Variants in GALNTL6 observed in about 807,000 individuals in gnomAD.
GALNTL6 encodes polypeptide N-acetylgalactosaminyltransferase like 6, also known as polypeptide N-acetylgalactosaminyltransferase-like 6.
GALNTL6 carries 46 observed loss-of-function variants against 73.7 expected under a neutral mutation model. The observed-to-expected ratio is 0.62, with a 90% CI of 0.49 to 0.80. The LOEUF (loss-of-function observed/expected upper bound fraction) is 0.80, where lower values mean the gene tolerates loss of function less well. Ranked by LOEUF, GALNTL6 falls within the 30% of genes least tolerant of loss-of-function variation. The pLI, the probability that GALNTL6 is intolerant of heterozygous loss-of-function variation, is 0.00. For synonymous variants in GALNTL6, 259 were observed against 263.7 expected (o/e 0.98, Z 0.17); for missense variants, 604 against 755.0 (o/e 0.80, Z 2.34).
chr4:172,358,431 C>T (rs533239139), intron 5 of GALNTL6, among the ~76,000 whole-genome samples: 13 of 152,348 alleles, frequency 8.5e-5, no homozygotes, highest in South Asian at 4.1e-4. Context: ...GCCTGCAGGC[C>T]GCGTGCGGCC....
Position 172,304,881 on chromosome 4 carries a change from A to G in GALNTL6, c.248-6733A>G, listed in dbSNP as rs576514812. On this transcript the variant is annotated intron_variant, in intron 3 of 12. Coordinates refer to ENST00000506823, the MANE Select transcript of GALNTL6 (RefSeq NM_001034845.3). ...ATTTTAATTCTCTACTCTTCTTCCA[A>G]TGTGAGCTGAAATCTCACTTTTTCT... Among the ~76,000 whole-genome samples, 15 of 152,324 alleles carry G rather than the reference A, an allele frequency of 9.8e-5. No individual in the cohort carries two copies. In the South Asian group the frequency reaches 1.9e-3, roughly 19 times the overall value.
chr4:172,926,329 A>C (rs774857703), intron 8 of GALNTL6, among the ~76,000 whole-genome samples: 8 of 152,216 alleles, frequency 5.3e-5, no homozygotes, highest in Non-Finnish European at 1.0e-4. Context: ...TCAACATTTG[A>C]ATTTGATAGG....
chr4:171,895,429 C>G (rs1736883099), intron 2 of GALNTL6, among the ~76,000 whole-genome samples: 1 of 152,060 alleles, frequency 6.6e-6, no homozygotes, highest in African/African-American at 2.4e-5. Flanking sequence ...GAGATGGCAT[C>G]CCCAAATTTA....
intron 5 of GALNTL6, among the ~76,000 whole-genome samples, chr4:172,394,426 T>C (rs945433703): frequency 4.2e-5 from 6 of 143,512 alleles, no homozygotes; most frequent in Non-Finnish European, 8.9e-5. Context: ...TTTCTTCTTC[T>C]TCTTTTTTTT....
At chr4:172,791,327 A>G (rs1739984421) in intron 5 of GALNTL6, among the ~76,000 whole-genome samples, 1 of 152,240 alleles carries the variant, frequency 6.6e-6, no homozygotes, top group Admixed American at 6.5e-5. Context: ...GAGTTACTTA[A>G]GTAGGTTTTT....
intron 2 of GALNTL6, among the ~76,000 whole-genome samples, chr4:171,910,944 T>C (rs114220114): frequency 0.014 from 2,164 of 152,258 alleles, 46 homozygotes; most frequent in African/African-American, 0.049. Context: ...AAATTTGCAC[T>C]TGGACATTCT....
intron 2 of GALNTL6, among the ~76,000 whole-genome samples, chr4:172,171,526 C>T (rs1734825589): frequency 6.6e-6 from 1 of 152,010 alleles, no homozygotes; most frequent in Non-Finnish European, 1.5e-5. Flanking sequence ...CACCAGTCAA[C>T]TCAAAAGATG....
chr4:172,188,151 T>C (rs1374238312), intron 2 of GALNTL6, among the ~76,000 whole-genome samples: 3 of 152,204 alleles, frequency 2.0e-5, no homozygotes, highest in South Asian at 2.1e-4. Flanking sequence ...ATGCCTATTA[T>C]GTGTCAGAAA....
At chr4:173,012,603 C>G (rs1189759081) in intron 11 of GALNTL6, among the ~76,000 whole-genome samples, 1 of 152,180 alleles carries the variant, frequency 6.6e-6, no homozygotes, top group Non-Finnish European at 1.5e-5. Flanking sequence ...TCTTTCTAGG[C>G]CATAGTTCTT....
At chr4:172,681,465 T>C (rs1732630115) in intron 5 of GALNTL6, among the ~76,000 whole-genome samples, 2 of 152,304 alleles carry the variant, frequency 1.3e-5, no homozygotes, top group South Asian at 4.1e-4. Context: ...ATCAAAGATA[T>C]ATCTATGAGA....
chr4:172,318,045 T>C (rs1346640939), intron 4 of GALNTL6, among the ~76,000 whole-genome samples: 1 of 152,098 alleles, frequency 6.6e-6, no homozygotes, highest in East Asian at 1.9e-4. Flanking sequence ...AGCAATTAAA[T>C]GATAAGCAGG....
At chr4:172,885,076 T>C (rs546328173) in intron 8 of GALNTL6, among the ~76,000 whole-genome samples, 1 of 152,322 alleles carries the variant, frequency 6.6e-6, no homozygotes, top group East Asian at 1.9e-4. Flanking sequence ...AGCTTTGTTC[T>C]TTTTGTTCAG....
chr4:172,573,496 A>G (rs1164966103), intron 5 of GALNTL6, among the ~76,000 whole-genome samples: 1 of 152,296 alleles, frequency 6.6e-6, no homozygotes, highest in East Asian at 1.9e-4. Flanking sequence ...CTCACTCCCA[A>G]GGATTTGAAG....
chr4:172,320,057 T>C (rs1234001728), intron 4 of GALNTL6, among the ~76,000 whole-genome samples: 1 of 152,172 alleles, frequency 6.6e-6, no homozygotes, highest in East Asian at 1.9e-4. Flanking sequence ...AGGACTTCAA[T>C]ATCTCTCATC....
At chr4:172,467,875 CTTCTTTTCTTTTCT>C (rs1453306931) in intron 5 of GALNTL6, among the ~76,000 whole-genome samples, 2 of 89,704 alleles carry the variant, frequency 2.2e-5, no homozygotes, top group Non-Finnish European at 4.7e-5. Flanking sequence ...TCCTTCTTTC[CTTCTTTTCTTTTCT>C]TTCTTTTTTT....
chr4:172,586,339 A>G (rs1289868544), intron 5 of GALNTL6, among the ~76,000 whole-genome samples: 1 of 152,186 alleles, frequency 6.6e-6, no homozygotes, highest in Non-Finnish European at 1.5e-5. Context: ...TAAGCTGTAA[A>G]ACCTACAGAA....
chr4:172,195,399 A>C (rs10010262), intron 2 of GALNTL6, among the ~76,000 whole-genome samples: 5,743 of 152,244 alleles, frequency 0.038, 346 homozygotes, highest in African/African-American at 0.13. Context: ...CAACAAATAT[A>C]TTCAGGACTT....
At chr4:172,113,244 A>G (rs1187745153) in intron 2 of GALNTL6, among the ~76,000 whole-genome samples, 1 of 152,036 alleles carries the variant, frequency 6.6e-6, no homozygotes, top group Non-Finnish European at 1.5e-5. Flanking sequence ...TAATGAATTT[A>G]TGCTATAGCA....
chr4:172,888,991 G>T (rs1475089651), intron 8 of GALNTL6, among the ~76,000 whole-genome samples: 2 of 151,710 alleles, frequency 1.3e-5, no homozygotes, highest in Non-Finnish European at 2.9e-5. Context: ...TGGTTAGTGT[G>T]GTCCTACATT....
Sources: gnomAD v4.1 joint callset for allele counts (sites outside exome capture counted in the v4.1 genomes callset) on GRCh38, gnomAD v4.1.1 for gene constraint, MANE v1.5 for transcripts, NCBI Gene and HGNC (gene_info 2026-07-23, HGNC 2026-07-21) for gene names.